DPYD: variants seen among roughly 807,000 people sequenced by gnomAD.
DPYD encodes dihydropyrimidine dehydrogenase [NADP(+)].
A neutral mutation model predicts 116.2 loss-of-function variants in DPYD; 109 were observed. The ratio of observed to expected loss-of-function variants is 0.94; its 90% confidence interval spans 0.80 to 1.10. The LOEUF (loss-of-function observed/expected upper bound fraction) is 1.10, where lower values mean the gene tolerates loss of function less well. DPYD is among the 50% of genes least tolerant of loss of function. The pLI is 0.00. For synonymous variants in DPYD, 440 were observed against 432.0 expected (o/e 1.02, Z -0.23); for missense variants, 1,302 against 1,254.5 (o/e 1.04, Z -0.57).
intron 14 of DPYD, among the ~76,000 whole-genome samples, chr1:97,412,154 A>G (rs1674037120): frequency 1.3e-5 from 2 of 152,196 alleles, no homozygotes; most frequent in African/African-American, 4.8e-5. Flanking sequence ...TCAAGTGCTG[A>G]ACTAAAGTCA....
chr1:97,678,647 C>T (rs1660273601), intron 8 of DPYD, among the ~76,000 whole-genome samples: 1 of 152,092 alleles, frequency 6.6e-6, no homozygotes, highest in South Asian at 2.1e-4. Flanking sequence ...ACTGATGAAA[C>T]ATTTAAAAAA....
intron 18 of DPYD, among the ~76,000 whole-genome samples, chr1:97,251,977 A>G (rs1470180738): frequency 6.6e-6 from 1 of 152,068 alleles, no homozygotes; most frequent in East Asian, 1.9e-4. Flanking sequence ...TTTATGCCCA[A>G]ATTGGTATTT....
At chr1:97,867,427 T>G (rs1671442361) in intron 2 of DPYD, among the ~76,000 whole-genome samples, 1 of 151,786 alleles carries the variant, frequency 6.6e-6, no homozygotes, top group African/African-American at 2.4e-5. Context: ...AAGATTTGAG[T>G]TGTAGAAGCC....
chr1:97,103,417 C>T (rs1048402522), intron 20 of DPYD, among the ~76,000 whole-genome samples: 2 of 151,978 alleles, frequency 1.3e-5, no homozygotes, highest in African/African-American at 4.8e-5. Context: ...GACAGTGGAA[C>T]ACAATAAAAA....
In DPYD at chr1:97,718,629, T is replaced by C. The variant is rs1045226981; in HGVS notation, c.483+2881A>G. Reference sequence around the variant, plus strand: ...ATTTTTTAATTTTAATATTTCTAAATTGCCTCCATAATTTTTTAATCAGTA... The same window carrying C: ...ATTTTTTAATTTTAATATTTCTAAACTGCCTCCATAATTTTTTAATCAGTA... On this transcript the variant is annotated intron_variant, in intron 5 of 22. Coordinates refer to ENST00000370192, the MANE Select transcript of DPYD (RefSeq NM_000110.4). 3.9e-5 allele frequency among the ~76,000 whole-genome samples: 6 copies of C among 152,010 alleles called. No homozygotes were observed. In the Middle Eastern group the frequency reaches 0.014, roughly 345 times the overall value.
intron 16 of DPYD, among the ~76,000 whole-genome samples, chr1:97,351,569 G>C (rs1670145628): frequency 6.6e-6 from 1 of 152,044 alleles, no homozygotes; most frequent in Admixed American, 6.6e-5. Flanking sequence ...CATGAATACA[G>C]AGATAGAAGA....
chr1:97,095,906 A>G (rs1463863156), intron 21 of DPYD: 2 of 152,184 alleles, frequency 1.3e-5, no homozygotes, highest in African/African-American at 4.8e-5. Context: ...AGGCCAAGGT[A>G]GTGGAAAATC....
intron 16 of DPYD, chr1:97,322,819 C>T (rs1415468250): frequency 2.0e-5 from 3 of 151,834 alleles, no homozygotes; most frequent in Non-Finnish European, 4.4e-5. Flanking sequence ...AAGGGCTAGG[C>T]CTCTGGGGAT....
intron 1 of DPYD, among the ~76,000 whole-genome samples, chr1:97,900,441 AT>A (rs1184392096): frequency 6.6e-6 from 1 of 151,914 alleles, no homozygotes; most frequent in Non-Finnish European, 1.5e-5. Context: ...AAGGCAAAAT[AT>A]TCAAAACCAG....
intron 3 of DPYD, among the ~76,000 whole-genome samples, chr1:97,783,366 T>A (rs1402206423): frequency 6.6e-6 from 1 of 152,082 alleles, no homozygotes; most frequent in Non-Finnish European, 1.5e-5. Flanking sequence ...AATACAGCTT[T>A]GTTATTTTAT....
chr1:97,183,492 T>A (rs1252656526), intron 20 of DPYD, among the ~76,000 whole-genome samples: 2 of 152,098 alleles, frequency 1.3e-5, no homozygotes, highest in African/African-American at 2.4e-5. Context: ...ACACACTTGC[T>A]TGATTACTGC....
At chr1:97,681,143 T>C (rs1660408183) in intron 7 of DPYD, among the ~76,000 whole-genome samples, 1 of 152,112 alleles carries the variant, frequency 6.6e-6, no homozygotes. Context: ...AGTATTTTCA[T>C]TTTACAGATA....
intron 11 of DPYD, among the ~76,000 whole-genome samples, chr1:97,556,063 A>G (rs1422111435): frequency 6.6e-6 from 1 of 152,208 alleles, no homozygotes; most frequent in Non-Finnish European, 1.5e-5. Context: ...AGAGCCTGAA[A>G]TAGGGTGAGG....
chr1:97,656,818 A>AT (rs200525025), intron 8 of DPYD, among the ~76,000 whole-genome samples: 7,025 of 143,684 alleles, frequency 0.049, 418 homozygotes, highest in African/African-American at 0.14. Flanking sequence ...GGAATTTTTT[A>AT]TTTTTTTTTT....
chr1:97,569,352 T>C lies in DPYD; in HGVS notation c.1339+4408A>G, dbSNP rs116553858. Among the ~76,000 whole-genome samples the C allele has an allele frequency of 6.6e-3, 989 of 150,640 alleles. 8 individuals carry two copies. Among genetic ancestry groups the C allele is most frequent in the African/African-American group, 0.023 (949 of 41,198 alleles). ...AATTCAATTCAATAAATATTGAAAATAGTGTTTAGCAGAAGAGGAAACATC... is the reference window on the plus strand; with the variant it reads ...AATTCAATTCAATAAATATTGAAAACAGTGTTTAGCAGAAGAGGAAACATC... On this transcript the variant is annotated intron_variant, in intron 11 of 22. Coordinates refer to ENST00000370192, the MANE Select transcript of DPYD (RefSeq NM_000110.4).
chr1:97,894,178 T>C (rs1672931457), intron 1 of DPYD, among the ~76,000 whole-genome samples: 1 of 151,770 alleles, frequency 6.6e-6, no homozygotes, highest in Non-Finnish European at 1.5e-5. Flanking sequence ...CACAGCCACC[T>C]TTTTGCAGTG....
At chr1:97,890,831 T>C (rs1271783225) in intron 1 of DPYD, among the ~76,000 whole-genome samples, 1 of 152,000 alleles carries the variant, frequency 6.6e-6, no homozygotes, top group African/African-American at 2.4e-5. Context: ...TTTATCTATG[T>C]CAGCATAGCA....
chr1:97,432,851 A>C (rs1675259882), intron 14 of DPYD, among the ~76,000 whole-genome samples: 1 of 152,102 alleles, frequency 6.6e-6, no homozygotes, highest in South Asian at 2.1e-4. Context: ...ATTGCCTTCA[A>C]ATGTGTCGAG....
Position 97,137,072 on chromosome 1 carries a change from GT to G in DPYD, c.2623-38441del, listed in dbSNP as rs560569085. On this transcript the variant is annotated intron_variant, in intron 20 of 22. Transcript: ENST00000370192. ...GGATATAGCAAATGCCAAGTAAATA[GT>G]TCAATCTGAACCAGGTTTATTGTTC... Among the ~76,000 whole-genome samples the G allele has an allele frequency of 1.6e-4, 25 of 152,306 alleles. No individual in the cohort carries two copies. In the South Asian group the frequency reaches 3.3e-3, roughly 20 times the overall value.
Sources: allele counts gnomAD v4.1 joint callset (sites outside exome capture counted in the v4.1 genomes callset), GRCh38; gene constraint gnomAD v4.1.1; transcripts MANE v1.5; gene names NCBI Gene and HGNC (gene_info 2026-07-23, HGNC 2026-07-21).